ZNF804B: variants seen among roughly 807,000 people sequenced by gnomAD.
ZNF804B encodes the protein zinc finger 804B.
A neutral mutation model predicts 101.4 loss-of-function variants in ZNF804B; 80 were observed. That is an observed-to-expected ratio of 0.79 (90% CI 0.66 to 0.95). The LOEUF is 0.95. Among genes scored for constraint, ZNF804B ranks in the 40% least tolerant of loss-of-function variants. The probability of loss-of-function intolerance (pLI) is 0.00; values close to 1 mark genes in which losing one functional copy is unlikely to be tolerated. For synonymous variants in ZNF804B, 622 were observed against 558.8 expected, an observed-to-expected ratio of 1.11 and a Z score of -1.59; for missense variants, 1,673 against 1,561.9, an observed-to-expected ratio of 1.07 and a Z score of -1.20.
intron 1 of ZNF804B, among the ~76,000 whole-genome samples, chr7:89,138,717 T>C (rs1449501375): frequency 6.6e-6 from 1 of 152,030 alleles, no homozygotes; most frequent in Non-Finnish European, 1.5e-5. Context: ...AATTGAATCA[T>C]AGGGGGAGGT....
At chr7:89,030,739 C>A (rs1052580118) in intron 1 of ZNF804B, among the ~76,000 whole-genome samples, 1 of 152,104 alleles carries the variant, frequency 6.6e-6, no homozygotes, top group African/African-American at 2.4e-5. Flanking sequence ...CACATAATTT[C>A]TATTCAATTG....
intron 1 of ZNF804B, among the ~76,000 whole-genome samples, chr7:89,009,849 A>G (rs561532764): frequency 2.0e-5 from 3 of 152,314 alleles, no homozygotes; most frequent in East Asian, 1.9e-4. Context: ...ATACTATTCT[A>G]TGGTGTTTTG....
At chr7:89,142,467 G>C (rs1166700536) in intron 1 of ZNF804B, among the ~76,000 whole-genome samples, 1 of 151,992 alleles carries the variant, frequency 6.6e-6, no homozygotes, top group Non-Finnish European at 1.5e-5. Flanking sequence ...GCTCTTGGCA[G>C]ATGTGGTTTT....
In ZNF804B at chr7:88,923,004, CAT is replaced by C. The variant is rs1379557726; in HGVS notation, c.108+162922_108+162923del. ...AGTAATTATTGAAGACAAAATAACT[CAT>C]AGAGAAGCCCTATATATTCCATATT... On this transcript the variant is annotated intron_variant, in intron 1 of 3. Coordinates refer to ENST00000333190, the MANE Select transcript of ZNF804B (RefSeq NM_181646.5). Among the ~76,000 whole-genome samples the C allele has an allele frequency of 3.3e-5, 5 of 151,990 alleles. No homozygotes were observed. The East Asian group carries it at 7.7e-4, about 23-fold the overall frequency.
intron 1 of ZNF804B, among the ~76,000 whole-genome samples, chr7:88,779,251 G>A (rs1275386462): frequency 1.3e-5 from 2 of 152,142 alleles, no homozygotes; most frequent in Admixed American, 6.5e-5. Flanking sequence ...GTCTGGAGTA[G>A]GGCCTGGGCT....
At chr7:88,795,730 G>GT (rs1790471325) in intron 1 of ZNF804B, 1 of 152,014 alleles carries the variant, frequency 6.6e-6, no homozygotes, top group African/African-American at 2.4e-5. Context: ...CAGTCCTCTG[G>GT]TGTTCTCAGC....
chr7:89,104,198 T>G (rs368591368), intron 1 of ZNF804B, among the ~76,000 whole-genome samples: 2 of 152,034 alleles, frequency 1.3e-5, no homozygotes, highest in African/African-American at 4.8e-5. Context: ...TGTCTTTTTT[T>G]GTTGTTGTGT....
In ZNF804B at chr7:89,227,715, G is replaced by T. The variant is rs1020777943; in HGVS notation, c.249+9420G>T. On this transcript the variant is annotated intron_variant, in intron 2 of 3. Coordinates refer to ENST00000333190, the MANE Select transcript of ZNF804B (RefSeq NM_181646.5). ...TAGAGCCATCTCTCTGAGAGAGAGAGAGTGTTCCACACAGAGGGAATGCCA... is the reference window on the plus strand; with the variant it reads ...TAGAGCCATCTCTCTGAGAGAGAGATAGTGTTCCACACAGAGGGAATGCCA... 3.3e-5 allele frequency among the ~76,000 whole-genome samples: 5 copies of T among 152,086 alleles called. No individual in the cohort carries two copies. In the South Asian group the frequency reaches 6.2e-4, roughly 19 times the overall value.
At chr7:88,893,693 C>T (rs1792246024) in intron 1 of ZNF804B, among the ~76,000 whole-genome samples, 1 of 152,046 alleles carries the variant, frequency 6.6e-6, no homozygotes, top group Admixed American at 6.6e-5. Context: ...CCAACACTTC[C>T]CAGCATTTAG....
At chr7:89,141,897 T>C (rs563462453) in intron 1 of ZNF804B, among the ~76,000 whole-genome samples, 3 of 150,274 alleles carry the variant, frequency 2.0e-5, no homozygotes, top group African/African-American at 7.3e-5. Flanking sequence ...AAATATATAA[T>C]AATAATAATA....
chr7:89,318,644 T>C (rs530966929), intron 2 of ZNF804B, among the ~76,000 whole-genome samples: 1 of 152,240 alleles, frequency 6.6e-6, no homozygotes, highest in African/African-American at 2.4e-5. Flanking sequence ...GCACCTGTAA[T>C]CCCAGCTACC....
At chr7:89,053,287 T>A (rs1028826385) in intron 1 of ZNF804B, among the ~76,000 whole-genome samples, 2 of 152,136 alleles carry the variant, frequency 1.3e-5, no homozygotes, top group Non-Finnish European at 2.9e-5. Flanking sequence ...TAATTTCTAA[T>A]TTGACAGACA....
At chr7:89,326,589 C>G (rs17699345) in intron 2 of ZNF804B, among the ~76,000 whole-genome samples, 12,209 of 152,082 alleles carry the variant, frequency 0.08, 1,736 homozygotes, top group East Asian at 0.69. Flanking sequence ...CCCCAAACTT[C>G]AAGAGGTTCA....
chr7:88,888,235 A>G lies in ZNF804B; in HGVS notation c.108+128151A>G, dbSNP rs190313089. ...GCGAAACCCCATCTCTATGAAAAGTATAAAAAATTAGCCAGGCGTGGTGGG... is the reference window on the plus strand; with the variant it reads ...GCGAAACCCCATCTCTATGAAAAGTGTAAAAAATTAGCCAGGCGTGGTGGG... On this transcript the variant is annotated intron_variant, in intron 1 of 3. Transcript: ENST00000333190. 7.5e-3 allele frequency among the ~76,000 whole-genome samples: 1,147 copies of G among 152,202 alleles called. 9 individuals carry two copies. Among genetic ancestry groups the G allele is most frequent in the Non-Finnish European group, 0.011 (766 of 68,004 alleles).
intron 1 of ZNF804B, among the ~76,000 whole-genome samples, chr7:89,058,320 C>A (rs1175484775): frequency 6.6e-6 from 1 of 151,990 alleles, no homozygotes; most frequent in East Asian, 1.9e-4. Flanking sequence ...TTTATGGCTT[C>A]TTAATTGTTT....
intron 1 of ZNF804B, among the ~76,000 whole-genome samples, chr7:88,918,193 C>G (rs966575140): frequency 2.0e-5 from 3 of 151,896 alleles, no homozygotes; most frequent in Non-Finnish European, 4.4e-5. Context: ...AAACAGTGAG[C>G]CTTAGATCTA....
chr7:88,983,406 T>A (rs993541797), intron 1 of ZNF804B, among the ~76,000 whole-genome samples: 1 of 152,082 alleles, frequency 6.6e-6, no homozygotes, highest in Non-Finnish European at 1.5e-5. Context: ...ACATCTAGGA[T>A]GGACCCTGAT....
chr7:89,112,593 G>T (rs1275453341), intron 1 of ZNF804B, among the ~76,000 whole-genome samples: 1 of 151,978 alleles, frequency 6.6e-6, no homozygotes, highest in Non-Finnish European at 1.5e-5. Context: ...TTTTGTGTTT[G>T]CTATTTTGGG....
chr7:89,305,142 C>G (rs1175500088), intron 2 of ZNF804B, among the ~76,000 whole-genome samples: 1 of 151,936 alleles, frequency 6.6e-6, no homozygotes, highest in Admixed American at 6.6e-5. Context: ...GGGATTAATA[C>G]TAATAGAGAA....
Sources: gnomAD v4.1 joint callset for allele counts (sites outside exome capture counted in the v4.1 genomes callset) on GRCh38, gnomAD v4.1.1 for gene constraint, MANE v1.5 for transcripts, NCBI Gene and HGNC (gene_info 2026-07-23, HGNC 2026-07-21) for gene names.